The following ALDH3B2 variants were observed in gnomAD, a reference collection of about 807,000 sequenced individuals.
ALDH3B2 encodes aldehyde dehydrogenase 3 family member B2.
ALDH3B2 carries 45 observed loss-of-function variants against 36.7 expected under a neutral mutation model. The ratio of observed to expected loss-of-function variants is 1.23; its 90% CI spans 0.97 to 1.57. The LOEUF (loss-of-function observed/expected upper bound fraction) is 1.57, where lower values mean the gene tolerates loss of function less well. Ranked by LOEUF, ALDH3B2 falls within the 40% of genes most tolerant of loss-of-function variation. The pLI is 0.00. For missense variants in ALDH3B2, 464 were observed against 513.3 expected (o/e 0.90, Z 0.93); for synonymous variants, 217 against 226.5 (o/e 0.96, Z 0.38).
chr11:67,663,204 G>A (rs1233524481), exon 10 of ALDH3B2: 4 of 1,593,908 alleles, frequency 2.5e-6, no homozygotes, highest in African/African-American at 1.3e-5. Flanking sequence ...CGTTGGAGGC[G>A]GGTGGGACGC....
intron 1 of ALDH3B2, among the ~76,000 whole-genome samples, chr11:67,680,331 G>A (rs1046224680): frequency 2.0e-5 from 3 of 152,170 alleles, no homozygotes; most frequent in African/African-American, 7.2e-5. Context: ...AAGAGTACCA[G>A]ATTATAATTT....
chr11:67,677,405 C>G (rs1039690269), upstream of ALDH3B2, among the ~76,000 whole-genome samples: 3 of 152,232 alleles, frequency 2.0e-5, no homozygotes, highest in African/African-American at 7.2e-5. Context: ...ATCCAGCATC[C>G]TTTTATGATT....
upstream of ALDH3B2, among the ~76,000 whole-genome samples, chr11:67,679,179 A>T (rs115759998): frequency 5.4e-3 from 818 of 152,250 alleles, 7 homozygotes; most frequent in African/African-American, 0.019. Flanking sequence ...ATGGAAAAAA[A>T]ATCAGGGGCC....
intron 6 of ALDH3B2, 40 bp downstream of exon 6, chr11:67,666,056 ACCCTCCCACCCTCTCTCCTGATGATC>A (rs1855898001): frequency 6.4e-7 from 1 of 1,572,118 alleles, no homozygotes; most frequent in African/African-American, 1.4e-5. Context: ...TCCCTCCACA[ACCCTCCCACCCTCTCTCCTGATGATC>A]CCCTCCACCT....
chr11:67,665,986 C>T, intron 6 of ALDH3B2, 136 bp downstream of exon 6: 1 of 1,213,564 alleles, frequency 8.2e-7, no homozygotes, highest in Non-Finnish European at 1.2e-6. Context: ...CCTATGCAGG[C>T]AGACGGACTC....
At chr11:67,668,973 CTCTT>C (rs1856000281) in intron 1 of ALDH3B2, among the ~76,000 whole-genome samples, 1 of 129,646 alleles carries the variant, frequency 7.7e-6, no homozygotes. Context: ...GTGTCTGTGT[CTCTT>C]TGTGTGTATG....
chr11:67,678,230 G>A (rs998895756), upstream of ALDH3B2, among the ~76,000 whole-genome samples: 1 of 152,130 alleles, frequency 6.6e-6, no homozygotes, highest in African/African-American at 2.4e-5. Context: ...ATACTCTAAG[G>A]CCATAGTCAC....
chr11:67,678,372 G>A (rs1856307565), upstream of ALDH3B2, among the ~76,000 whole-genome samples: 1 of 152,072 alleles, frequency 6.6e-6, no homozygotes, highest in Admixed American at 6.6e-5. Flanking sequence ...AGTGGGGAAA[G>A]GACACCCTTT....
At chr11:67,669,194 G>T (rs1236741535) in intron 1 of ALDH3B2, among the ~76,000 whole-genome samples, 3 of 149,962 alleles carry the variant, frequency 2.0e-5, no homozygotes, top group African/African-American at 4.9e-5. Context: ...CTATGTGTGT[G>T]TCTGTGTCTT....
chr11:67,663,123 C>G, exon 10 of ALDH3B2: 1 of 1,423,860 alleles, frequency 7.0e-7, no homozygotes, highest in Non-Finnish European at 9.5e-7. Flanking sequence ...GGGGAACCTG[C>G]GGTCTGGAGG....
chr11:67,664,375 C>G (rs755223860), intron 8 of ALDH3B2, 21 bp downstream of exon 8: 1 of 1,613,672 alleles, frequency 6.2e-7, no homozygotes, highest in South Asian at 1.1e-5. Flanking sequence ...TCCATTGCCC[C>G]CAACCCGGCC....
rs779577640 is a variant in ALDH3B2, at chr11:67,664,580, G to A, written c.707-18C>T. ...CGTGGGGGCTGCGGGCACCAGAGACGGCTCAGCCCTGGGGCCACAGTCAGG... is the reference window on the plus strand; with the variant it reads ...CGTGGGGGCTGCGGGCACCAGAGACAGCTCAGCCCTGGGGCCACAGTCAGG... On this transcript the variant is annotated intron_variant, in intron 7 of 9. Coordinates refer to ENST00000349015, the Ensembl canonical transcript of ALDH3B2. 1.8e-5 allele frequency: 29 copies of A among 1,611,648 alleles called. No individual in the cohort carries two copies. The highest frequency in any genetic ancestry group is 1.9e-4 in the Middle Eastern group (1 of 5,194).
At position 67,670,056 on chromosome 11, in the gene ALDH3B2, GTGTATGGGTGTGTGTGTCCACATGTGTC is replaced by G. The variant is rs1165255607; in HGVS notation, c.-244-2449_-244-2422del. ...TCTGTGTGTGTATGGGTGTCTCTAT[GTGTATGGGTGTGTGTGTCCACATGTGTC>G]TGTGTGTGTATGGGTGTCTGTGTGT... On this transcript the variant is annotated intron_variant, in intron 1 of 9. Coordinates refer to ENST00000349015, the Ensembl canonical transcript of ALDH3B2. Among the ~76,000 whole-genome samples the G allele has an allele frequency of 1.6e-3, 28 of 17,150 alleles. 4 individuals carry two copies. Among genetic ancestry groups the G allele is most frequent in the Non-Finnish European group, 3.4e-3 (15 of 4,466 alleles). 11.3% of individuals were successfully genotyped at this position (17,150 alleles called of 152,430 possible). A position where few individuals can be genotyped will look rare whatever the true frequency, so the allele number is the denominator to read the frequency against.
intron 1 of ALDH3B2, among the ~76,000 whole-genome samples, chr11:67,672,134 G>GTATA (rs59299469): frequency 3.9e-4 from 38 of 97,606 alleles, no homozygotes; most frequent in African/African-American, 6.2e-4. Context: ...GTGTGTGTGT[G>GTATA]TATATATATA....
rs546793986 is a variant in ALDH3B2 at position 67,670,763 on chromosome 11, C to T, written c.-244-3128G>A. On this transcript the variant is annotated intron_variant, in intron 1 of 9. Transcript: ENST00000349015. ...GATGCCGCCTCCCTCCCCTGGGCAGCGTGATCACATTCCTGGCACAGGACC... is the reference window on the plus strand; with the variant it reads ...GATGCCGCCTCCCTCCCCTGGGCAGTGTGATCACATTCCTGGCACAGGACC... 4.6e-5 allele frequency among the ~76,000 whole-genome samples: 7 copies of T among 152,292 alleles called. No individual in the cohort carries two copies. The South Asian group carries it at 8.3e-4, about 18-fold the overall frequency.
In ALDH3B2 at chr11:67,663,711, AT is replaced by A. The variant is rs758040222; in HGVS notation, c.923del (p.Asn308MetfsTer50). 1 of 1,613,046 alleles carries A rather than the reference AT, an allele frequency of 6.2e-7. No individual in the cohort carries two copies. The highest frequency in any genetic ancestry group is 8.5e-7 in the Non-Finnish European group (1 of 1,179,220). ...GCAGAGATATGTAGGTGAAGCCCTC[AT>A]TGCCTCCAAAGCTGCCGCTGCTGGT... On this transcript the variant is annotated frameshift_variant, in exon 9 of 10. Coordinates refer to ENST00000349015, the Ensembl canonical transcript of ALDH3B2. LOFTEE classifies it low-confidence loss of function (END_TRUNC).
intron 2 of ALDH3B2, 42 bp from the exon 3 acceptor site, chr11:67,667,058 G>T (rs1482781030): frequency 8.6e-7 from 1 of 1,165,580 alleles, no homozygotes; most frequent in Non-Finnish European, 1.3e-6. Context: ...GCCCAGACCT[G>T]GGCCAGGAGG....
intron 1 of ALDH3B2, among the ~76,000 whole-genome samples, chr11:67,671,947 C>T (rs1167546734): frequency 6.7e-6 from 1 of 149,252 alleles, no homozygotes; most frequent in Non-Finnish European, 1.5e-5. Flanking sequence ...AGAATGCAGT[C>T]TCTCACCTAC....
upstream of ALDH3B2, among the ~76,000 whole-genome samples, chr11:67,676,246 A>G (rs1856268680): frequency 6.6e-6 from 1 of 152,118 alleles, no homozygotes; most frequent in African/African-American, 2.4e-5. Context: ...AAATGAAATT[A>G]TATCAGGCAT....
Sources: gnomAD v4.1 joint callset for allele counts (sites outside exome capture counted in the v4.1 genomes callset) on GRCh38, gnomAD v4.1.1 for gene constraint, MANE v1.5 for transcripts, NCBI Gene and HGNC (gene_info 2026-07-23, HGNC 2026-07-21) for gene names.